The following NUGGC variants were observed in gnomAD, a reference collection of about 807,000 sequenced individuals.
NUGGC encodes the protein nuclear GTPase SLIP-GC.
In NUGGC, 58 loss-of-function variants were observed where a neutral mutation model predicts 92.6. The ratio of observed to expected loss-of-function variants is 0.63; its 90% CI spans 0.51 to 0.78. The LOEUF (loss-of-function observed/expected upper bound fraction) is 0.78. Among genes scored for constraint, NUGGC ranks in the 30% least tolerant of loss-of-function variants. The probability of loss-of-function intolerance (pLI) is 0.00; values close to 1 mark genes in which losing one functional copy is unlikely to be tolerated. For missense variants in NUGGC, 925 were observed against 964.6 expected, an observed-to-expected ratio of 0.96 and a Z score of 0.54; for synonymous variants, 376 against 366.4, an observed-to-expected ratio of 1.03 and a Z score of -0.30.
rs374351827 is a variant in NUGGC, at chr8:28,060,433, A to G, written c.1090T>C (p.Tyr364His). The G allele has an allele frequency of 1.2e-6, 2 of 1,613,612 alleles. No individual in the cohort carries two copies. The highest frequency in any genetic ancestry group is 2.7e-5 in the African/African-American group (2 of 75,014). ...TKMDKLHLPE[Y>H]LRERKAGNQA... is the part of the protein sequence containing the mutation. ...GCAAGCCCAGCACAATACCTTAGGT[A>G]TTCTGGCAAGTGGAGTTTGTCCATC... The change falls in exon 8 of 19, where the codon TAC becomes CAC. Residue 364 changes from tyrosine to histidine, a missense_variant. Coordinates refer to ENST00000413272, the MANE Select transcript of NUGGC (RefSeq NM_001010906.2).
intron 1 of NUGGC, among the ~76,000 whole-genome samples, chr8:28,074,980 T>C (rs2130277889): frequency 6.6e-6 from 1 of 152,216 alleles, no homozygotes; most frequent in South Asian, 2.1e-4. Flanking sequence ...CTGAGAGCTT[T>C]AGGGTAACTC....
At chr8:28,048,870 A>AG (rs1809914601) in intron 10 of NUGGC, among the ~76,000 whole-genome samples, 1 of 151,914 alleles carries the variant, frequency 6.6e-6, no homozygotes, top group African/African-American at 2.4e-5. Context: ...CAAAAAAAAA[A>AG]AAAAAAAAAA....
At chr8:28,029,245 C>T in intron 17 of NUGGC, 21 bp downstream of exon 17, 1 of 1,597,038 alleles carries the variant, frequency 6.3e-7, no homozygotes, top group Non-Finnish European at 8.5e-7. Flanking sequence ...GTCTAGGATC[C>T]AGGATGTGGG....
intron 4 of NUGGC, 66 bp from the exon 5 acceptor site, chr8:28,068,504 G>C: frequency 9.1e-7 from 1 of 1,096,944 alleles, no homozygotes. Context: ...CATTGAAACA[G>C]AATGCAAAGG....
chr8:28,083,845 G>T lies in NUGGC; in HGVS notation c.-117C>A, dbSNP rs1465593167. On this transcript the variant is annotated 5_prime_UTR_variant, in exon 1 of 19. Coordinates refer to ENST00000413272, the MANE Select transcript of NUGGC (RefSeq NM_001010906.2). Reference sequence around the variant, plus strand: ...TACAGGAGTCCACAGAGGAGATGGTGGCAGCTTCTCCTTGGTTCAGGTATT... The same window carrying T: ...TACAGGAGTCCACAGAGGAGATGGTTGCAGCTTCTCCTTGGTTCAGGTATT... 5 of 151,996 alleles carry T rather than the reference G, an allele frequency of 3.3e-5. No individual in the cohort carries two copies. Among genetic ancestry groups the T allele is most frequent in the Admixed American group, 2.0e-4 (3 of 15,260 alleles). The allele number at this position is 151,996 out of a possible 1,614,324, so 9.4% of individuals were successfully genotyped here.
At chr8:28,067,121 T>C (rs1810457324) in intron 6 of NUGGC, among the ~76,000 whole-genome samples, 1 of 152,190 alleles carries the variant, frequency 6.6e-6, no homozygotes, top group Admixed American at 6.5e-5. Flanking sequence ...GAGCCAGAGA[T>C]GCTGATGTTG....
rs555646600 is a variant in NUGGC, at chr8:28,035,397, T to G, written c.1612-1700A>C. On this transcript the variant is annotated intron_variant, in intron 13 of 18. Coordinates refer to ENST00000413272, the MANE Select transcript of NUGGC (RefSeq NM_001010906.2). ...CTGGGCTGGCCACTCTGGCTCAGGA[T>G]TCTCCTGAGGTTTGGTCAGGTGTGG... Among the ~76,000 whole-genome samples the G allele has an allele frequency of 3.0e-4, 45 of 152,308 alleles. 1 individual carries two copies. The South Asian group carries it at 7.3e-3, about 25-fold the overall frequency.
In NUGGC at chr8:28,074,479, C is replaced by A. The variant is rs1810671024; in HGVS notation, c.-46-23G>T. ...AGCCTGTGAAGACAAAGTACAAAGACAGGTGGGGCAGCGGAATTTGAAAAT... is the reference window on the plus strand; with the variant it reads ...AGCCTGTGAAGACAAAGTACAAAGAAAGGTGGGGCAGCGGAATTTGAAAAT... On this transcript the variant is annotated intron_variant, in intron 1 of 18. Transcript: ENST00000413272. The A allele has an allele frequency of 6.5e-6, 10 of 1,530,310 alleles. No individual in the cohort carries two copies. The South Asian group carries it at 1.0e-4, about 16-fold the overall frequency. The allele number at this position is 1,530,310 out of a possible 1,614,324, so 94.8% of individuals were successfully genotyped here. A position where few individuals can be genotyped will look rare whatever the true frequency, so the allele number is the denominator to read the frequency against.
At chr8:28,067,224 T>G (rs1336616666) in intron 6 of NUGGC, among the ~76,000 whole-genome samples, 1 of 152,230 alleles carries the variant, frequency 6.6e-6, no homozygotes, top group Non-Finnish European at 1.5e-5. Flanking sequence ...TAAGCCACTA[T>G]AAGTCTTCTT....
chr8:28,029,237 C>T (rs755572114), intron 17 of NUGGC, 29 bp downstream of exon 17: 28 of 1,592,706 alleles, frequency 1.8e-5, no homozygotes, highest in Non-Finnish European at 2.2e-5. Context: ...CTCTCGGGGT[C>T]TAGGATCCAG....
At chr8:28,065,978 C>T (rs989425794) in intron 6 of NUGGC, among the ~76,000 whole-genome samples, 1 of 132,154 alleles carries the variant, frequency 7.6e-6, no homozygotes, top group Non-Finnish European at 1.6e-5. Flanking sequence ...AAACTGGTTC[C>T]GGGCAAACAT....
chr8:28,043,423 T>G (rs1018723061), intron 12 of NUGGC, among the ~76,000 whole-genome samples: 4 of 152,206 alleles, frequency 2.6e-5, no homozygotes, highest in African/African-American at 9.7e-5. Flanking sequence ...CACACACATA[T>G]TTAGATTTGA....
intron 14 of NUGGC, among the ~76,000 whole-genome samples, chr8:28,031,598 G>A (rs963922586): frequency 2.0e-5 from 3 of 152,232 alleles, no homozygotes; most frequent in African/African-American, 7.2e-5. Flanking sequence ...TAACAAGTGA[G>A]AAAATTGAGG....
rs771804314 is a variant in NUGGC at position 28,060,469 on chromosome 8, C to T, written c.1054G>A (p.Val352Met). 6.2e-7 allele frequency: 1 copy of T among 1,613,916 alleles called. No homozygotes were observed. The highest frequency in any genetic ancestry group is 1.1e-5 in the South Asian group (1 of 91,058). The change falls in exon 8 of 19, where the codon GTG becomes ATG. Residue 352 changes from valine to methionine, a missense_variant. Physicochemically the swap from Val to Met is conservative, Grantham distance 21. Coordinates refer to ENST00000413272, the MANE Select transcript of NUGGC (RefSeq NM_001010906.2). ...TGGAGTTTGTCCATCTTGGTGACCACCAGGGCCACGTCCCTACAGAAGCCC... is the reference window on the plus strand; with the variant it reads ...TGGAGTTTGTCCATCTTGGTGACCATCAGGGCCACGTCCCTACAGAAGCCC... ...QRGFCRDVAL[V>M]VTKMDKLHLP...
chr8:28,029,412 A>G lies in NUGGC; in HGVS notation c.2018-10T>C, dbSNP rs773561349. The G allele has an allele frequency of 6.2e-7, 1 of 1,611,558 alleles. No individual in the cohort carries two copies. The highest frequency in any genetic ancestry group is 8.5e-7 in the Non-Finnish European group (1 of 1,178,810). Reference sequence around the variant, plus strand: ...GTGATCTGAGCTGCCTCTGGCAAAAATGATAGCCACAGTCACACCAAGACA... The same window carrying G: ...GTGATCTGAGCTGCCTCTGGCAAAAGTGATAGCCACAGTCACACCAAGACA... On this transcript the variant is annotated splice_polypyrimidine_tract_variant and intron_variant, in intron 16 of 18. Coordinates refer to ENST00000413272, the MANE Select transcript of NUGGC (RefSeq NM_001010906.2).
At chr8:28,027,106 G>T in intron 17 of NUGGC, 54 bp from the exon 18 acceptor site, 1 of 1,421,522 alleles carries the variant, frequency 7.0e-7, no homozygotes. Context: ...AGGAAAAGTG[G>T]ATCTTATAAA....
Position 28,064,241 on chromosome 8 carries a change from G to C in NUGGC, c.921+281C>G, listed in dbSNP as rs190586494. On this transcript the variant is annotated intron_variant, in intron 7 of 18. Transcript: ENST00000413272. Reference sequence around the variant, plus strand: ...GGCCTCCCAGTTCCCTTCTGTCCTTGGTCACTCTGTTTCCTCTTAAGCCAC... The same window carrying C: ...GGCCTCCCAGTTCCCTTCTGTCCTTCGTCACTCTGTTTCCTCTTAAGCCAC... Among the ~76,000 whole-genome samples the C allele has an allele frequency of 4.0e-4, 61 of 152,198 alleles. 1 individual carries two copies. The highest frequency in any genetic ancestry group is 8.5e-4 in the Admixed American group (13 of 15,288).
chr8:28,064,810 A>G (rs145141120), intron 6 of NUGGC, 79 bp from the exon 7 acceptor site: 1 of 1,194,462 alleles, frequency 8.4e-7, no homozygotes. Context: ...ATGCAGGTTC[A>G]TGGTAAGTAT....
chr8:28,081,366 T>C (rs1001284166), intron 1 of NUGGC, among the ~76,000 whole-genome samples: 10 of 152,074 alleles, frequency 6.6e-5, no homozygotes, highest in Admixed American at 5.2e-4. Flanking sequence ...TTAAATGTGA[T>C]AATGAATGCA....
Sources: allele counts gnomAD v4.1 joint callset (sites outside exome capture counted in the v4.1 genomes callset), GRCh38; gene constraint gnomAD v4.1.1; transcripts MANE v1.5; gene names NCBI Gene and HGNC (gene_info 2026-07-23, HGNC 2026-07-21).